Variants in MAF observed in about 807,000 individuals in gnomAD.
MAF encodes MAF bZIP transcription factor.
In MAF, 10 loss-of-function variants were observed where a neutral mutation model predicts 22.0. The observed-to-expected ratio is 0.45, with a 90% CI of 0.28 to 0.77. The LOEUF (loss-of-function observed/expected upper bound fraction) is 0.77, where lower values mean the gene tolerates loss of function less well. MAF is among the 30% of genes least tolerant of loss of function. The pLI, the probability that MAF is intolerant of heterozygous loss-of-function variation, is 0.12. For synonymous variants in MAF, 337 were observed against 255.8 expected, an observed-to-expected ratio of 1.32 and a Z score of -3.03; for missense variants, 544 against 548.4, an observed-to-expected ratio of 0.99 and a Z score of 0.08.
the MAF span, chr16:79,212,910 G>GAAAGAAAGA: frequency 1.3e-5 from 2 of 151,958 alleles, no homozygotes; most frequent in African/African-American, 4.8e-5. Flanking sequence ...TTCTGTTAAA[G>GAAAGAAAGA]AAAGAAAAAA....
the MAF span, among the ~76,000 whole-genome samples, chr16:79,313,753 T>A: frequency 6.6e-6 from 1 of 152,090 alleles, no homozygotes; most frequent in Admixed American, 6.5e-5. Context: ...CCGCTCTCAA[T>A]GGGGAAGAAA....
chr16:79,361,683 T>C, the MAF span, among the ~76,000 whole-genome samples: 1 of 151,018 alleles, frequency 6.6e-6, no homozygotes, highest in Non-Finnish European at 1.5e-5. Context: ...AAGATTGGTT[T>C]TTTTTTCTTT....
the MAF span, among the ~76,000 whole-genome samples, chr16:79,242,850 C>T: frequency 2.0e-5 from 3 of 152,046 alleles, no homozygotes; most frequent in Non-Finnish European, 4.4e-5. Context: ...TCTTAACAGT[C>T]TCTCAGACTA....
At chr16:79,394,351 C>T in the MAF span, among the ~76,000 whole-genome samples, 2 of 152,182 alleles carry the variant, frequency 1.3e-5, no homozygotes, top group Non-Finnish European at 2.9e-5. Context: ...ACCCTGTTTA[C>T]AAGTGATTTC....
At chr16:79,249,215 T>C in the MAF span, among the ~76,000 whole-genome samples, 1 of 151,578 alleles carries the variant, frequency 6.6e-6, no homozygotes, top group African/African-American at 2.4e-5. Context: ...AGGTCGGGAG[T>C]TCGAGACCAG....
chr16:79,531,895 A>G, the MAF span, among the ~76,000 whole-genome samples: 9 of 152,072 alleles, frequency 5.9e-5, no homozygotes, highest in African/African-American at 2.2e-4. Context: ...AGAAGGCACA[A>G]TGTCCTATCC....
chr16:79,596,319 G>A, intron 1 of MAF: 1 of 1,059,656 alleles, frequency 9.4e-7, no homozygotes. Flanking sequence ...AGTATATGGG[G>A]CCAGCCTCCT....
chr16:79,521,541 A>T, the MAF span, among the ~76,000 whole-genome samples: 2 of 152,222 alleles, frequency 1.3e-5, no homozygotes, highest in Non-Finnish European at 2.9e-5. Context: ...TGCAGCCAGC[A>T]GTTTCCCCAT....
At chr16:79,385,484 AT>A in the MAF span, among the ~76,000 whole-genome samples, 1 of 152,250 alleles carries the variant, frequency 6.6e-6, no homozygotes, top group African/African-American at 2.4e-5. Flanking sequence ...TGAAAGCGAA[AT>A]AAAAAAGTCG....
chr16:79,295,497 G>A, the MAF span, among the ~76,000 whole-genome samples: 53 of 152,302 alleles, frequency 3.5e-4, no homozygotes, highest in East Asian at 7.7e-4. Flanking sequence ...CATTTGGTTG[G>A]CCAAAACTCA....
the MAF span, among the ~76,000 whole-genome samples, chr16:79,464,584 T>C: frequency 1.3e-5 from 2 of 152,150 alleles, no homozygotes; most frequent in Non-Finnish European, 2.9e-5. Flanking sequence ...GTCTGCAGAG[T>C]AGACTCAGCC....
the MAF span, among the ~76,000 whole-genome samples, chr16:79,490,664 G>A: frequency 5.9e-5 from 9 of 152,276 alleles, no homozygotes; most frequent in South Asian, 1.2e-3. Context: ...TTAGAAAAAT[G>A]TATGCCAGAC....
chr16:79,491,958 G>A, the MAF span, among the ~76,000 whole-genome samples: 10 of 152,014 alleles, frequency 6.6e-5, no homozygotes, highest in South Asian at 2.1e-4. Flanking sequence ...TCTTTTCTAC[G>A]TACCCGGAAC....
chr16:79,425,173 G>A, the MAF span, among the ~76,000 whole-genome samples: 3 of 152,178 alleles, frequency 2.0e-5, no homozygotes, highest in Non-Finnish European at 2.9e-5. Flanking sequence ...TATTGCAAAT[G>A]TATTCATATC....
At chr16:79,541,727 G>C in the MAF span, among the ~76,000 whole-genome samples, 1 of 144,376 alleles carries the variant, frequency 6.9e-6, no homozygotes. Context: ...TGCAATCTTA[G>C]CTCACTGCAA....
the MAF span, among the ~76,000 whole-genome samples, chr16:79,279,965 G>A: frequency 5.3e-4 from 80 of 152,296 alleles, no homozygotes; most frequent in Non-Finnish European, 9.0e-4. Flanking sequence ...GTGGGCAATG[G>A]AAGTGTTCTC....
chr16:79,588,918 CA>C (rs1913024299), downstream of MAF, among the ~76,000 whole-genome samples: 1 of 152,118 alleles, frequency 6.6e-6, no homozygotes, highest in Non-Finnish European at 1.5e-5. Context: ...CACCTTTTAA[CA>C]GATAAAATCT....
At chr16:79,527,013 A>C in the MAF span, among the ~76,000 whole-genome samples, 2 of 152,210 alleles carry the variant, frequency 1.3e-5, no homozygotes, top group Non-Finnish European at 1.5e-5. Flanking sequence ...GAATTTCTGA[A>C]AATTTGACAG....
chr16:79,221,941 T>C, the MAF span, among the ~76,000 whole-genome samples: 4 of 152,310 alleles, frequency 2.6e-5, no homozygotes, highest in Admixed American at 6.5e-5. Flanking sequence ...AGCTATTTGT[T>C]AATACACTTC....
Sources: allele counts gnomAD v4.1 joint callset (sites outside exome capture counted in the v4.1 genomes callset), GRCh38; gene constraint gnomAD v4.1.1; transcripts MANE v1.5; gene names NCBI Gene and HGNC (gene_info 2026-07-23, HGNC 2026-07-21).